Variants in LRMDA observed in about 807,000 individuals in gnomAD.
LRMDA encodes the protein leucine rich melanocyte differentiation associated.
Under a neutral mutation model 29.8 loss-of-function variants are expected in LRMDA, and 18 were observed. The observed-to-expected ratio is 0.60, with a 90% CI of 0.42 to 0.90. The LOEUF is 0.90. Among genes scored for constraint, LRMDA ranks in the 40% least tolerant of loss-of-function variants. The pLI, the probability that LRMDA is intolerant of heterozygous loss-of-function variation, is 0.00. For synonymous variants in LRMDA, 125 were observed against 109.4 expected, an observed-to-expected ratio of 1.14 and a Z score of -0.89; for missense variants, 273 against 273.9, an observed-to-expected ratio of 1.00 and a Z score of 0.02.
At chr10:76,518,110 AAAAT>A (rs1225880608) in intron 6 of LRMDA, among the ~76,000 whole-genome samples, 1 of 151,958 alleles carries the variant, frequency 6.6e-6, no homozygotes, top group Non-Finnish European at 1.5e-5. Context: ...ATTAGATGAA[AAAAT>A]AAATAAACCC....
intron 2 of LRMDA, among the ~76,000 whole-genome samples, chr10:75,876,649 G>A (rs1845203459): frequency 6.6e-6 from 1 of 152,080 alleles, no homozygotes; most frequent in Non-Finnish European, 1.5e-5. Context: ...TAATCTCCCA[G>A]GGGCTTCTGG....
chr10:75,983,866 G>T (rs1185070287), intron 2 of LRMDA, among the ~76,000 whole-genome samples: 2 of 152,142 alleles, frequency 1.3e-5, no homozygotes, highest in African/African-American at 2.4e-5. Context: ...TGTTGGTCAG[G>T]TTGGTCTCAA....
rs1489241742 is a variant in LRMDA at position 76,376,045 on chromosome 10, C to T, written c.601+51560C>T. 3.3e-5 allele frequency among the ~76,000 whole-genome samples: 5 copies of T among 151,902 alleles called. No individual in the cohort carries two copies. In the South Asian group the frequency reaches 1.0e-3, roughly 32 times the overall value. The stretch of plus-strand genomic sequence containing the variant: ...TGAGGGTACAAGTACATTATTATTA[C>T]ATGGTTTTATTGAATAGTGATGAAG... On this transcript the variant is annotated intron_variant, in intron 6 of 6. Coordinates refer to ENST00000611255, the MANE Select transcript of LRMDA (RefSeq NM_001305581.2).
chr10:76,389,500 A>G (rs963522688), intron 6 of LRMDA, among the ~76,000 whole-genome samples: 1 of 152,188 alleles, frequency 6.6e-6, no homozygotes, highest in African/African-American at 2.4e-5. Flanking sequence ...TTCACCATTT[A>G]AATCATTTTT....
At chr10:75,486,817 G>A (rs527787499) in intron 2 of LRMDA, among the ~76,000 whole-genome samples, 1 of 152,278 alleles carries the variant, frequency 6.6e-6, no homozygotes, top group South Asian at 2.1e-4. Context: ...TCTTTGTTGG[G>A]ACCATCCCAG....
intron 6 of LRMDA, among the ~76,000 whole-genome samples, chr10:76,375,056 AT>A (rs1263254759): frequency 6.6e-6 from 1 of 152,168 alleles, no homozygotes; most frequent in Non-Finnish European, 1.5e-5. Context: ...CAGTGTGTAA[AT>A]TTCTTAACAA....
intron 5 of LRMDA, among the ~76,000 whole-genome samples, chr10:76,095,574 T>G (rs1849299840): frequency 6.6e-6 from 1 of 152,262 alleles, no homozygotes; most frequent in Admixed American, 6.5e-5. Context: ...CAGACTGTTT[T>G]TCAAAGTGGC....
At chr10:75,503,796 G>A (rs1279449371) in intron 2 of LRMDA, among the ~76,000 whole-genome samples, 3 of 151,978 alleles carry the variant, frequency 2.0e-5, no homozygotes, top group Non-Finnish European at 4.4e-5. Context: ...GTCTTTATGG[G>A]GGAAGAACCT....
chr10:75,998,220 C>T (rs536241011), intron 2 of LRMDA, among the ~76,000 whole-genome samples: 56 of 152,250 alleles, frequency 3.7e-4, no homozygotes, highest in African/African-American at 1.3e-3. Context: ...CCTCAGTGGA[C>T]CCCTTTGTAT....
At chr10:75,975,389 A>T (rs1359651409) in intron 2 of LRMDA, among the ~76,000 whole-genome samples, 2 of 152,200 alleles carry the variant, frequency 1.3e-5, no homozygotes, top group Admixed American at 1.3e-4. Context: ...CTTCAGCACC[A>T]GATCTCCAGG....
At chr10:76,048,933 T>TC (rs1439728256) in intron 4 of LRMDA, among the ~76,000 whole-genome samples, 1 of 152,078 alleles carries the variant, frequency 6.6e-6, no homozygotes, top group Non-Finnish European at 1.5e-5. Flanking sequence ...CCTTTTTTTT[T>TC]CTGGAGGTGG....
intron 5 of LRMDA, among the ~76,000 whole-genome samples, chr10:76,133,744 C>G (rs1314950285): frequency 6.6e-6 from 1 of 152,184 alleles, no homozygotes; most frequent in Admixed American, 6.5e-5. Flanking sequence ...GATGAGCTGC[C>G]TGCGGCACTG....
At chr10:76,343,316 A>G (rs566285969) in intron 6 of LRMDA, among the ~76,000 whole-genome samples, 1 of 152,364 alleles carries the variant, frequency 6.6e-6, no homozygotes, top group African/African-American at 2.4e-5. Flanking sequence ...GATAAGGATT[A>G]CAGAGAAAAT....
intron 2 of LRMDA, among the ~76,000 whole-genome samples, chr10:75,881,607 C>T (rs1845294968): frequency 6.6e-6 from 1 of 152,086 alleles, no homozygotes; most frequent in Non-Finnish European, 1.5e-5. Flanking sequence ...TTCACTTTAG[C>T]CTCTGATTCG....
At chr10:76,056,250 G>A (rs747440709) in intron 4 of LRMDA, among the ~76,000 whole-genome samples, 5 of 152,192 alleles carry the variant, frequency 3.3e-5, no homozygotes, top group Admixed American at 2.6e-4. Context: ...TGAGTCTGGG[G>A]CTTTTATGGG....
At chr10:76,268,068 A>G (rs1183328565) in intron 5 of LRMDA, among the ~76,000 whole-genome samples, 1 of 152,130 alleles carries the variant, frequency 6.6e-6, no homozygotes, top group Non-Finnish European at 1.5e-5. Context: ...CTCAAACTTG[A>G]GGGGTGGGCT....
At chr10:75,783,225 C>T (rs1843415464) in intron 2 of LRMDA, among the ~76,000 whole-genome samples, 1 of 152,078 alleles carries the variant, frequency 6.6e-6, no homozygotes, top group Non-Finnish European at 1.5e-5. Context: ...AATTAATATG[C>T]AGTATCCTAG....
chr10:76,118,655 G>C lies in LRMDA; in HGVS notation c.516+59872G>C, dbSNP rs867027788. On this transcript the variant is annotated intron_variant, in intron 5 of 6. Coordinates refer to ENST00000611255, the MANE Select transcript of LRMDA (RefSeq NM_001305581.2). ...TTATCTTGGAGGAGAAGACCATTCT[G>C]TGGCCCCATCAGCCTGGACTCCCAA... Among the ~76,000 whole-genome samples the C allele has an allele frequency of 5.9e-5, 9 of 152,206 alleles. No homozygotes were observed. In the South Asian group the frequency reaches 1.7e-3, roughly 28 times the overall value.
intron 2 of LRMDA, among the ~76,000 whole-genome samples, chr10:75,756,540 T>C (rs1843034835): frequency 6.6e-6 from 1 of 152,210 alleles, no homozygotes; most frequent in African/African-American, 2.4e-5. Context: ...CCATTGATAT[T>C]TTAGTGTTTA....
Sources: allele counts gnomAD v4.1 joint callset (sites outside exome capture counted in the v4.1 genomes callset), GRCh38; gene constraint gnomAD v4.1.1; transcripts MANE v1.5; gene names NCBI Gene and HGNC (gene_info 2026-07-23, HGNC 2026-07-21).